GIGYF2: variants seen among roughly 807,000 people sequenced by gnomAD.
GIGYF2 encodes GRB10-interacting GYF protein 2.
A neutral mutation model predicts 208.1 loss-of-function variants in GIGYF2; 25 were observed. The ratio of observed to expected loss-of-function variants is 0.12; its 90% confidence interval spans 0.09 to 0.17. The LOEUF is 0.17. GIGYF2 is among the 10% of genes least tolerant of loss of function. The probability of loss-of-function intolerance (pLI) is 1.00; values close to 1 mark genes in which losing one functional copy is unlikely to be tolerated. For missense variants in GIGYF2, 1,302 were observed against 1,579.4 expected, an observed-to-expected ratio of 0.82 and a Z score of 2.98; for synonymous variants, 534 against 543.8, an observed-to-expected ratio of 0.98 and a Z score of 0.25.
intron 18 of GIGYF2, among the ~76,000 whole-genome samples, chr2:232,814,564 A>ACCC (rs1187503725): frequency 0.019 from 1,213 of 64,954 alleles, 171 homozygotes; most frequent in Non-Finnish European, 0.029. Flanking sequence ...CTCCACCTCA[A>ACCC]ACCCCCCCCC....
intron 2 of GIGYF2, among the ~76,000 whole-genome samples, chr2:232,723,784 G>A (rs769988911): frequency 1.3e-4 from 18 of 139,414 alleles, no homozygotes; most frequent in Non-Finnish European, 1.1e-4. Context: ...CCAGGCTGGA[G>A]TGCAGTAGCA....
At chr2:232,832,202 T>C (rs1283698964) in intron 21 of GIGYF2, among the ~76,000 whole-genome samples, 3 of 152,156 alleles carry the variant, frequency 2.0e-5, no homozygotes, top group South Asian at 2.1e-4. Flanking sequence ...GAATATGATA[T>C]GGGTAAGACA....
chr2:232,825,765 T>C (rs1701228273), intron 21 of GIGYF2, among the ~76,000 whole-genome samples: 1 of 152,136 alleles, frequency 6.6e-6, no homozygotes, highest in Non-Finnish European at 1.5e-5. Flanking sequence ...TGCAGGTTTG[T>C]TACATAGATA....
chr2:232,809,979 CATTT>C (rs35451202), intron 16 of GIGYF2, among the ~76,000 whole-genome samples, 168 bp downstream of exon 16: 40,483 of 151,404 alleles, frequency 0.27, 5,863 homozygotes, highest in African/African-American at 0.37. Flanking sequence ...TTAGTGTTGT[CATTT>C]ATTTATTTAT....
At chr2:232,713,920 T>C (rs1300422753) in intron 2 of GIGYF2, among the ~76,000 whole-genome samples, 1 of 151,888 alleles carries the variant, frequency 6.6e-6, no homozygotes, top group Non-Finnish European at 1.5e-5. Context: ...TTATTCCCCC[T>C]GGTGCCCTTG....
At chr2:232,719,079 G>C (rs1024198763) in intron 2 of GIGYF2, 1 of 151,392 alleles carries the variant, frequency 6.6e-6, no homozygotes, top group African/African-American at 2.4e-5. Flanking sequence ...TGCAAACTCT[G>C]CCTTCGAGCA....
At chr2:232,855,057 GTTTTCTTT>G (rs1375393554) in intron 28 of GIGYF2, among the ~76,000 whole-genome samples, 1 of 144,740 alleles carries the variant, frequency 6.9e-6, no homozygotes, top group East Asian at 2.0e-4. Context: ...TCGGCATTAG[GTTTTCTTT>G]TTTTCTTTTT....
chr2:232,855,229 GGC>G, intron 28 of GIGYF2, among the ~76,000 whole-genome samples: 1 of 152,038 alleles, frequency 6.6e-6, no homozygotes, highest in African/African-American at 2.4e-5. Context: ...TGGGATTACA[GGC>G]GTGCAGCGCC....
chr2:232,842,371 ATAT>A (rs1318375784), intron 23 of GIGYF2, among the ~76,000 whole-genome samples: 1 of 152,142 alleles, frequency 6.6e-6, no homozygotes, highest in East Asian at 1.9e-4. Context: ...TGAGCTTTTA[ATAT>A]ATGCTATATC....
chr2:232,772,348 A>G (rs1324559157), intron 8 of GIGYF2, among the ~76,000 whole-genome samples: 1 of 152,212 alleles, frequency 6.6e-6, no homozygotes, highest in Non-Finnish European at 1.5e-5. Flanking sequence ...GGGGGTAGAA[A>G]GAGAATTGTT....
At chr2:232,821,457 C>T (rs560781928) in intron 21 of GIGYF2, among the ~76,000 whole-genome samples, 3 of 152,342 alleles carry the variant, frequency 2.0e-5, no homozygotes, top group African/African-American at 7.2e-5. Flanking sequence ...CCTTGGCCTC[C>T]TAAAGTGTTG....
At chr2:232,849,787 G>A (rs913698449) in intron 27 of GIGYF2, among the ~76,000 whole-genome samples, 19 of 152,154 alleles carry the variant, frequency 1.2e-4, no homozygotes, top group African/African-American at 4.6e-4. Flanking sequence ...GGGCCAGATC[G>A]TTTCTGGGAT....
chr2:232,791,551 G>C (rs1452345133), intron 12 of GIGYF2, 105 bp downstream of exon 12: 1 of 928,796 alleles, frequency 1.1e-6, no homozygotes, highest in East Asian at 2.6e-5. Context: ...GCTTTTAGTG[G>C]GTGAATTATC....
chr2:232,812,107 CTT>C (rs1479676641), intron 17 of GIGYF2, among the ~76,000 whole-genome samples: 12 of 152,236 alleles, frequency 7.9e-5, no homozygotes, highest in Admixed American at 5.9e-4. Context: ...TATACAGTAT[CTT>C]TAAGATATAC....
At chr2:232,790,251 C>G (rs1227366001) in intron 9 of GIGYF2, among the ~76,000 whole-genome samples, 1 of 152,068 alleles carries the variant, frequency 6.6e-6, no homozygotes, top group Non-Finnish European at 1.5e-5. Context: ...ATTTTATCCA[C>G]AAACAATGAT....
chr2:232,778,757 T>C (rs1699614076), intron 8 of GIGYF2, among the ~76,000 whole-genome samples: 2 of 152,108 alleles, frequency 1.3e-5, no homozygotes, highest in African/African-American at 2.4e-5. Flanking sequence ...GTGGAGGTCC[T>C]GGGGGAAGGT....
rs541927512 is a variant in GIGYF2, at chr2:232,810,967, A to G, written c.1899-277A>G. 11 of 321,108 alleles carry G rather than the reference A, an allele frequency of 3.4e-5. No homozygotes were observed. The East Asian group carries it at 6.7e-4, about 20-fold the overall frequency. 19.9% of individuals were successfully genotyped at this position (321,108 alleles called of 1,614,324 possible). A position where few individuals can be genotyped will look rare whatever the true frequency, so the allele number is the denominator to read the frequency against. On this transcript the variant is annotated intron_variant, in intron 16 of 28. Transcript: ENST00000373563. ...TTTTGACATTCGTGATTTTAAAAAT[A>G]TTTTCTCTGAATAGACCACTTTGCA...
At chr2:232,733,793 A>G (rs1009189667) in intron 2 of GIGYF2, among the ~76,000 whole-genome samples, 7 of 152,210 alleles carry the variant, frequency 4.6e-5, no homozygotes, top group Non-Finnish European at 2.9e-5. Context: ...AATACAACAT[A>G]AATGCTGTGT....
At chr2:232,724,331 T>G (rs1012192993) in intron 2 of GIGYF2, among the ~76,000 whole-genome samples, 1 of 151,826 alleles carries the variant, frequency 6.6e-6, no homozygotes, top group African/African-American at 2.4e-5. Flanking sequence ...GTGCTGGGAT[T>G]GCAGGTGTGA....
Sources: allele counts gnomAD v4.1 joint callset (sites outside exome capture counted in the v4.1 genomes callset), GRCh38; gene constraint gnomAD v4.1.1; transcripts MANE v1.5; gene names NCBI Gene and HGNC (gene_info 2026-07-23, HGNC 2026-07-21).